The following GPRIN3 variants were observed in gnomAD, a reference collection of about 807,000 sequenced individuals.
The protein encoded by GPRIN3 is G protein-regulated inducer of neurite outgrowth 3.
In GPRIN3, 12 loss-of-function variants were observed where a neutral mutation model predicts 13.7. The observed-to-expected ratio is 0.87, with a 90% CI of 0.56 to 1.42. The LOEUF is 1.42. GPRIN3 is among the 40% of genes most tolerant of loss of function. The pLI is 0.00. For synonymous variants in GPRIN3, 377 were observed against 372.7 expected, an observed-to-expected ratio of 1.01 and a Z score of -0.13; for missense variants, 1,009 against 958.7, an observed-to-expected ratio of 1.05 and a Z score of -0.69.
At chr4:89,270,595 AT>A (rs1723920751) in intron 1 of GPRIN3, among the ~76,000 whole-genome samples, 1 of 128,832 alleles carries the variant, frequency 7.8e-6, no homozygotes, top group Non-Finnish European at 1.6e-5. Context: ...ATATATATAT[AT>A]ATATAAAATA....
chr4:89,283,556 G>A (rs1252926064), intron 1 of GPRIN3, among the ~76,000 whole-genome samples: 1 of 152,202 alleles, frequency 6.6e-6, no homozygotes, highest in East Asian at 1.9e-4. Context: ...TCTAGTGGGG[G>A]AGGCAGAAAC....
chr4:89,286,836 A>C (rs1724430884), intron 1 of GPRIN3, among the ~76,000 whole-genome samples: 1 of 152,192 alleles, frequency 6.6e-6, no homozygotes. Flanking sequence ...TTTGAATTCT[A>C]CTACTCCAGC....
chr4:89,247,809 G>A lies in GPRIN3; in HGVS notation c.2302C>T (p.Arg768Cys), dbSNP rs747348083. The A allele has an allele frequency of 1.1e-5, 18 of 1,613,376 alleles. No homozygotes were observed. The highest frequency in any genetic ancestry group is 1.4e-5 in the Non-Finnish European group (17 of 1,179,438). Reference protein sequence around the residue: ...QNFRRPNCCVRPAPSSVLD With the variant: ...QNFRRPNCCVCPAPSSVLD ...TCTAACACAGAAGACGGGGCAGGAC[G>A]GACGCAGCAGTTGGGGCGTCGGAAG... The change falls in exon 2 of 2, where the codon CGT becomes TGT. Residue 768 changes from arginine (R) to cysteine (C), a missense_variant. By Grantham distance (180) the Arg-to-Cys change is radical (BLOSUM62 -3). Transcript: ENST00000609438.
chr4:89,272,288 G>A (rs1309525498), intron 1 of GPRIN3, among the ~76,000 whole-genome samples: 1 of 152,162 alleles, frequency 6.6e-6, no homozygotes, highest in African/African-American at 2.4e-5. Flanking sequence ...CAGGAAAATT[G>A]AGTGGAAAGT....
chr4:89,282,103 A>G (rs2149279523), intron 1 of GPRIN3, among the ~76,000 whole-genome samples: 1 of 152,292 alleles, frequency 6.6e-6, no homozygotes, highest in South Asian at 2.1e-4. Context: ...ATGCCTCTAA[A>G]GAAATGTGAT....
chr4:89,303,902 G>T (rs1442371676), intron 1 of GPRIN3, among the ~76,000 whole-genome samples: 1 of 62,576 alleles, frequency 1.6e-5, no homozygotes, highest in Non-Finnish European at 3.0e-5. Flanking sequence ...AGTAACTCAT[G>T]TAATATTTCA....
At position 89,242,408 on chromosome 4, in the gene GPRIN3, A is replaced by G. The variant is rs890353253; in HGVS notation, c.*5372T>C. On this transcript the variant is annotated 3_prime_UTR_variant, in exon 2 of 2. Transcript: ENST00000609438. Reference sequence around the variant, plus strand: ...CTAGTGTCCAGAAAGAGTAATTACCATAAGTTTAAAGTCTCCATTTCAACA... The same window carrying G: ...CTAGTGTCCAGAAAGAGTAATTACCGTAAGTTTAAAGTCTCCATTTCAACA... 5 of 152,316 alleles carry G rather than the reference A, an allele frequency of 3.3e-5. No homozygotes were observed. Among genetic ancestry groups the G allele is most frequent in the East Asian group, 1.9e-4 (1 of 5,182 alleles). 9.4% of individuals were successfully genotyped at this position (152,316 alleles called of 1,614,324 possible). A position where few individuals can be genotyped will look rare whatever the true frequency, so the allele number is the denominator to read the frequency against.
chr4:89,302,282 T>C (rs1724920212), intron 1 of GPRIN3, among the ~76,000 whole-genome samples: 5 of 152,208 alleles, frequency 3.3e-5, no homozygotes, highest in Admixed American at 3.3e-4. Context: ...CAAGAATTAC[T>C]GGGGAATTAG....
intron 1 of GPRIN3, among the ~76,000 whole-genome samples, chr4:89,287,596 G>A: frequency 6.6e-6 from 1 of 152,148 alleles, no homozygotes; most frequent in East Asian, 1.9e-4. Flanking sequence ...GGAAGAGCTG[G>A]GATGGGGAGA....
rs1359635192 is a variant in GPRIN3, at chr4:89,239,639, AG to A, written c.*8140del. 1 of 152,106 alleles carries A rather than the reference AG, an allele frequency of 6.6e-6. No homozygotes were observed. Among genetic ancestry groups the A allele is most frequent in the Non-Finnish European group, 1.5e-5 (1 of 67,996 alleles). The allele number at this position is 152,106 out of a possible 1,614,324, so 9.4% of individuals were successfully genotyped here. On this transcript the variant is annotated 3_prime_UTR_variant, in exon 2 of 2. Coordinates refer to ENST00000609438, the MANE Select transcript of GPRIN3 (RefSeq NM_198281.3). Reference sequence around the variant, plus strand: ...CTTTGCCAAATGGAATTCTCTATCAAGGGGTGATTCTGGTATTTCCATTTAT... The same window carrying A: ...CTTTGCCAAATGGAATTCTCTATCAAGGGTGATTCTGGTATTTCCATTTAT...
In GPRIN3 at chr4:89,248,972, T is replaced by TG; in HGVS notation, c.1138dup (p.Gln380ProfsTer21). ...GATGCCAGGGCACTGGCTGGACTCCTGGGGGGCTAGCGTGCTGTCAGAGAG... is the reference window on the plus strand; with the variant it reads ...GATGCCAGGGCACTGGCTGGACTCCTGGGGGGGCTAGCGTGCTGTCAGAGAG... On this transcript the variant is annotated frameshift_variant, in exon 2 of 2. Transcript: ENST00000609438. LOFTEE classifies it low-confidence loss of function (END_TRUNC). 4 of 1,614,128 alleles carry TG rather than the reference T, an allele frequency of 2.5e-6. No individual in the cohort carries two copies. Among genetic ancestry groups the TG allele is most frequent in the Non-Finnish European group, 3.4e-6 (4 of 1,180,004 alleles).
chr4:89,275,160 C>G (rs376443467), intron 1 of GPRIN3, among the ~76,000 whole-genome samples: 1 of 61,364 alleles, frequency 1.6e-5, no homozygotes, highest in Non-Finnish European at 3.4e-5. Flanking sequence ...GTGTGTGTGT[C>G]CACGCGCATG....
At chr4:89,277,232 A>G (rs1201125785) in intron 1 of GPRIN3, among the ~76,000 whole-genome samples, 2 of 152,174 alleles carry the variant, frequency 1.3e-5, no homozygotes, top group Non-Finnish European at 2.9e-5. Context: ...TGGTAACCAT[A>G]GTGGCCAGTA....
rs867013914 is a variant in GPRIN3, at chr4:89,237,080, C to A, written c.*10700G>T. ...TGCAGTTTGATTGAGAGACGTCAAG[C>A]GGGACTAAAAAAGGTGTAGGGAAAT... On this transcript the variant is annotated 3_prime_UTR_variant, in exon 2 of 2. Transcript: ENST00000609438. The A allele has an allele frequency of 2.6e-5, 4 of 152,030 alleles. No homozygotes were observed. Among genetic ancestry groups the A allele is most frequent in the South Asian group, 2.1e-4 (1 of 4,824 alleles). The allele number at this position is 152,030 out of a possible 1,614,324, so 9.4% of individuals were successfully genotyped here.
intron 1 of GPRIN3, among the ~76,000 whole-genome samples, chr4:89,259,714 A>G (rs1195688798): frequency 6.6e-6 from 1 of 151,482 alleles, no homozygotes; most frequent in Non-Finnish European, 1.5e-5. Context: ...ACCACCCCCA[A>G]CTGTTCCAGG....
At position 89,248,894 on chromosome 4, in the gene GPRIN3, C is replaced by CTACA; in HGVS notation, c.1216_1217insTGTA (p.Arg406LeufsTer2). On this transcript the variant is annotated stop_gained and frameshift_variant, in exon 2 of 2. Coordinates refer to ENST00000609438, the MANE Select transcript of GPRIN3 (RefSeq NM_198281.3). LOFTEE classifies it low-confidence loss of function (END_TRUNC). ...TGGTAGGCTCGCAAGTTTATTTTCC[C>CTACA]GTTGGAAAGCTGTAGACTCAGCTGC... 1 of 1,614,132 alleles carries CTACA rather than the reference C, an allele frequency of 6.2e-7. No homozygotes were observed. The highest frequency in any genetic ancestry group is 8.5e-7 in the Non-Finnish European group (1 of 1,180,028).
intron 1 of GPRIN3, among the ~76,000 whole-genome samples, chr4:89,301,188 A>G (rs963799277): frequency 3.2e-4 from 49 of 152,202 alleles, no homozygotes; most frequent in African/African-American, 1.1e-3. Flanking sequence ...TGTAATGGCA[A>G]AGGCAAAGAT....
In GPRIN3 at chr4:89,248,545, A is replaced by G; in HGVS notation, c.1566T>C (p.Asp522=). 1 of 1,613,302 alleles carries G rather than the reference A, an allele frequency of 6.2e-7. No individual in the cohort carries two copies. The highest frequency in any genetic ancestry group is 8.5e-7 in the Non-Finnish European group (1 of 1,179,378). ...TAGTGGGATCCAAGCTCCCAGAATG[A>G]TCAGCTTTGCTGATAGAGCCACAAG... The part of the protein sequence containing the change: ...SDSCGSISKA[D]HSGSLDPTNK... The change falls in exon 2 of 2, where the codon GAT becomes GAC. Residue 522 remains aspartate (D), a synonymous_variant. Coordinates refer to ENST00000609438, the MANE Select transcript of GPRIN3 (RefSeq NM_198281.3).
chr4:89,254,595 T>A (rs1397563132), intron 1 of GPRIN3, among the ~76,000 whole-genome samples: 1 of 152,230 alleles, frequency 6.6e-6, no homozygotes, highest in Admixed American at 6.5e-5. Context: ...CCATGGTGTA[T>A]GCGTATCACA....
Sources: allele counts gnomAD v4.1 joint callset (sites outside exome capture counted in the v4.1 genomes callset), GRCh38; gene constraint gnomAD v4.1.1; transcripts MANE v1.5; gene names NCBI Gene and HGNC (gene_info 2026-07-23, HGNC 2026-07-21).